Variants in TRIM26 observed in about 807,000 individuals in gnomAD.
The protein encoded by TRIM26 is tripartite motif containing 26, also known as tripartite motif-containing protein 26.
Under a neutral mutation model 45.5 loss-of-function variants are expected in TRIM26, and 16 were observed. The ratio of observed to expected loss-of-function variants is 0.35; its 90% CI spans 0.24 to 0.53. TRIM26 has a LOEUF of 0.53. Among genes scored for constraint, TRIM26 ranks in the 20% least tolerant of loss-of-function variants. TRIM26 has a pLI of 0.92. For missense variants in TRIM26, 442 were observed against 691.1 expected, an observed-to-expected ratio of 0.64 and a Z score of 4.04; for synonymous variants, 273 against 290.4, an observed-to-expected ratio of 0.94 and a Z score of 0.61.
chr6:30,206,658 T>C (rs938072019), intron 1 of TRIM26, among the ~76,000 whole-genome samples: 3 of 152,250 alleles, frequency 2.0e-5, no homozygotes, highest in Non-Finnish European at 2.9e-5. Context: ...TTTATCATCT[T>C]GTGGAATGGT....
intron 1 of TRIM26, among the ~76,000 whole-genome samples, chr6:30,212,799 T>A (rs1778412183): frequency 6.6e-6 from 1 of 151,914 alleles, no homozygotes; most frequent in Non-Finnish European, 1.5e-5. Flanking sequence ...CAGAGTTAAA[T>A]TTACACTTTT....
chr6:30,185,896 G>A lies in TRIM26; in HGVS notation c.1600C>T (p.Arg534Cys), dbSNP rs1240943944. 23 of 1,612,524 alleles carry A rather than the reference G, an allele frequency of 1.4e-5. No homozygotes were observed. Among genetic ancestry groups the A allele is most frequent in the Non-Finnish European group, 1.9e-5 (22 of 1,179,790 alleles). Reference protein sequence around the residue: ...PFLWLKWPGTRLLLRP With the variant: ...PFLWLKWPGTCLLLRP ...AGGGCTCAGGGTCTTAGCAGGAGGCGTGTTCCTGGCCACTTGAGCCACAGG... is the reference window on the plus strand; with the variant it reads ...AGGGCTCAGGGTCTTAGCAGGAGGCATGTTCCTGGCCACTTGAGCCACAGG... Residue 534 changes from arginine to cysteine, a missense_variant, in exon 10 of 10, where the codon CGC (arginine) becomes TGC (cysteine). Physicochemically the swap from Arg to Cys is radical, Grantham distance 180. Coordinates refer to ENST00000454678, the MANE Select transcript of TRIM26 (RefSeq NM_003449.5). This position sits in a 1 kb window ranked among gnomAD's most constrained non-coding sequence, Gnocchi z 5.7.
Position 30,198,909 on chromosome 6 carries a change from G to T in TRIM26, c.195C>A (p.Ile65=), listed in dbSNP as rs1380586345. The change falls in exon 4 of 10, where the codon ATC becomes ATA. Residue 65 remains isoleucine, a synonymous_variant. Coordinates refer to ENST00000454678, the MANE Select transcript of TRIM26 (RefSeq NM_003449.5). This position sits in a 1 kb window ranked among gnomAD's most constrained non-coding sequence, Gnocchi z 6.3. ...GGCTGGCCAGTTGCCACACGGGTCGGATGTTCTCCTTCTTAAAAGGCTTCT... is the reference window on the plus strand; with the variant it reads ...GGCTGGCCAGTTGCCACACGGGTCGTATGTTCTCCTTCTTAAAAGGCTTCT... ...LCKKPFKKEN[I]RPVWQLASLV... 6.2e-7 allele frequency: 1 copy of T among 1,612,716 alleles called. No individual in the cohort carries two copies. The highest frequency in any genetic ancestry group is 8.5e-7 in the Non-Finnish European group (1 of 1,179,754).
intron 3 of TRIM26, 36 bp from the exon 4 acceptor site, chr6:30,199,300 C>T (rs992214627): frequency 5.9e-6 from 3 of 511,762 alleles, no homozygotes; most frequent in Non-Finnish European, 1.0e-5. Flanking sequence ...AGAAGAGGAC[C>T]TTATAGATCT....
In TRIM26 at chr6:30,198,391, C is replaced by T. The variant is rs541314747; in HGVS notation, c.534+38G>A. 9 of 1,609,528 alleles carry T rather than the reference C, an allele frequency of 5.6e-6. No individual in the cohort carries two copies. Among genetic ancestry groups the T allele is most frequent in the East Asian group, 2.2e-5 (1 of 44,878 alleles). On this transcript the variant is annotated intron_variant, in intron 5 of 9. Coordinates refer to ENST00000454678, the MANE Select transcript of TRIM26 (RefSeq NM_003449.5). This position sits in a 1 kb window ranked among gnomAD's most constrained non-coding sequence, Gnocchi z 6.3. ...CCAGGCTCACCCTGCCCTACACGGG[C>T]GCACCGCCTCAGGGCTTCCTGAAAC...
At chr6:30,202,385 A>AT (rs1777273394) in intron 2 of TRIM26, among the ~76,000 whole-genome samples, 1 of 152,264 alleles carries the variant, frequency 6.6e-6, no homozygotes, top group Admixed American at 6.5e-5. Context: ...GACTGCCATT[A>AT]TAATAGCACA....
At chr6:30,188,445 A>G in intron 9 of TRIM26, 3 of 267,994 alleles carry the variant, frequency 1.1e-5, no homozygotes, top group Non-Finnish European at 2.3e-5. Flanking sequence ...AGGATTCTCT[A>G]TAATTAGAAT....
intron 2 of TRIM26, among the ~76,000 whole-genome samples, chr6:30,201,514 T>C (rs143639782): frequency 6.6e-6 from 1 of 152,262 alleles, no homozygotes; most frequent in Non-Finnish European, 1.5e-5. Flanking sequence ...CAAGTGAAAG[T>C]AATATCAAGT....
chr6:30,191,849 T>C (rs1285221164), intron 6 of TRIM26, among the ~76,000 whole-genome samples: 2 of 152,140 alleles, frequency 1.3e-5, no homozygotes, highest in Admixed American at 1.3e-4. Context: ...AAACAGACAG[T>C]GTGTCCTGAC....
intron 9 of TRIM26, chr6:30,188,238 A>AAAG (rs1446914547): frequency 7.0e-4 from 139 of 198,436 alleles, no homozygotes; most frequent in Middle Eastern, 2.3e-3. Context: ...AAAAAAAAAA[A>AAAG]AAAAGAAATT....
At chr6:30,191,992 GGAGA>G (rs1775892713) in intron 6 of TRIM26, among the ~76,000 whole-genome samples, 2 of 152,242 alleles carry the variant, frequency 1.3e-5, no homozygotes, top group African/African-American at 4.8e-5. Flanking sequence ...GAATCATACA[GGAGA>G]AAGAAGAGTC....
chr6:30,202,609 CACA>C (rs1214927726), intron 2 of TRIM26, among the ~76,000 whole-genome samples: 7 of 152,314 alleles, frequency 4.6e-5, no homozygotes, highest in East Asian at 3.9e-4. Context: ...ATATGAATCA[CACA>C]ACATTACCTA....
In TRIM26 at chr6:30,189,501, G is replaced by C; in HGVS notation, c.821C>G (p.Pro274Arg). Residue 274 changes from proline to arginine, a missense_variant, in exon 8 of 10, where the codon CCC becomes CGC. Physicochemically the swap from Pro to Arg is moderately radical, Grantham distance 103. Transcript: ENST00000454678. This position sits in a 1 kb window ranked among gnomAD's most constrained non-coding sequence, Gnocchi z 5.0. ...YPRKKFWVGK[P>R]IARVVKKKTG... ...CTTTTTTTTAACCACTCGAGCAATG[G>C]GTTTCCCAACCCAGAACTTCTTCCG... 1 of 1,612,884 alleles carries C rather than the reference G, an allele frequency of 6.2e-7. No homozygotes were observed. Among genetic ancestry groups the C allele is most frequent in the Middle Eastern group, 1.6e-4 (1 of 6,062 alleles).
At position 30,206,349 on chromosome 6, in the gene TRIM26, G is replaced by A. The variant is rs566359883; in HGVS notation, c.-375-1584C>T. ...GTCACACTTGGCTTACTTTCCCCAC[G>A]GAGCCGAGCATCAGTGGTGCTCTGA... On this transcript the variant is annotated intron_variant, in intron 1 of 9. Transcript: ENST00000454678. Among the ~76,000 whole-genome samples the A allele has an allele frequency of 5.6e-4, 85 of 152,324 alleles. 1 individual carries two copies. In the Middle Eastern group the frequency reaches 0.01, roughly 18 times the overall value.
At chr6:30,191,840 AACAG>A (rs1219126750) in intron 6 of TRIM26, among the ~76,000 whole-genome samples, 1 of 152,256 alleles carries the variant, frequency 6.6e-6, no homozygotes, top group Admixed American at 6.5e-5. Flanking sequence ...CAGGCAACAA[AACAG>A]ACAGTGTGTC....
chr6:30,189,093 G>C lies in TRIM26; in HGVS notation c.937+74C>G, dbSNP rs1046180912. On this transcript the variant is annotated intron_variant, in intron 9 of 9. Coordinates refer to ENST00000454678, the MANE Select transcript of TRIM26 (RefSeq NM_003449.5). The surrounding 1 kb of genome is among the most constrained non-coding windows in gnomAD (Gnocchi z 5.0). ...AAAAGGGGCTACCTGGGGGAAAAGT[G>C]AGCAGTCAGAATCTCTGCAGGCGGA... 1 of 1,515,846 alleles carries C rather than the reference G, an allele frequency of 6.6e-7. No individual in the cohort carries two copies. Among genetic ancestry groups the C allele is most frequent in the African/African-American group, 1.4e-5 (1 of 71,666 alleles). 93.9% of individuals were successfully genotyped at this position (1,515,846 alleles called of 1,614,324 possible). A position where few individuals can be genotyped will look rare whatever the true frequency, so the allele number is the denominator to read the frequency against.
chr6:30,205,089 A>G (rs1329032020), intron 1 of TRIM26, among the ~76,000 whole-genome samples: 1 of 151,992 alleles, frequency 6.6e-6, no homozygotes, highest in Non-Finnish European at 1.5e-5. Context: ...TAACAATACA[A>G]AATTAGCCAG....
chr6:30,212,104 C>T (rs573509816), intron 1 of TRIM26, among the ~76,000 whole-genome samples: 3 of 152,306 alleles, frequency 2.0e-5, no homozygotes, highest in South Asian at 4.1e-4. Flanking sequence ...GCCCTTGATA[C>T]GATGGGATGA....
At chr6:30,206,721 A>G (rs1404792584) in intron 1 of TRIM26, among the ~76,000 whole-genome samples, 1 of 152,218 alleles carries the variant, frequency 6.6e-6, no homozygotes, top group East Asian at 1.9e-4. Context: ...TGAGTCTTCA[A>G]AACATACCTA....
Sources: gnomAD v4.1 joint callset for allele counts (sites outside exome capture counted in the v4.1 genomes callset) on GRCh38, gnomAD v4.1.1 for gene constraint, Gnocchi (gnomAD v3.1) non-coding constraint, MANE v1.5 for transcripts, NCBI Gene and HGNC (gene_info 2026-07-23, HGNC 2026-07-21) for gene names.